SPRR2G: variants seen among roughly 807,000 people sequenced by gnomAD.
The protein encoded by SPRR2G is small proline-rich protein 2G.
SPRR2G carries 1 observed loss-of-function variant against 0.7 expected under a neutral mutation model. The ratio of observed to expected loss-of-function variants is 1.49; its 90% confidence interval spans 0.53 to 7.06. The LOEUF is 7.06. Among genes scored for constraint, SPRR2G ranks in the 30% most tolerant of loss-of-function variants. The pLI, the probability that SPRR2G is intolerant of heterozygous loss-of-function variation, is 0.14. For synonymous variants in SPRR2G, 38 were observed against 33.9 expected (o/e 1.12, Z -0.42); for missense variants, 96 against 88.5 (o/e 1.09, Z -0.34).
At chr1:153,174,545 G>A in the SPRR2G span, 2 of 152,556 alleles carry the variant, frequency 1.3e-5, no homozygotes, top group South Asian at 2.1e-4. Context: ...CCAGCAAAAT[G>A]TCTTCTGCAA....
the SPRR2G span, among the ~76,000 whole-genome samples, chr1:153,182,902 T>C: frequency 1.3e-5 from 2 of 152,144 alleles, no homozygotes; most frequent in Non-Finnish European, 2.9e-5. Flanking sequence ...TGTATACCAG[T>C]AATGGGATTG....
chr1:153,151,216 C>T (rs930315997), upstream of SPRR2G, among the ~76,000 whole-genome samples: 1 of 152,200 alleles, frequency 6.6e-6, no homozygotes, highest in Non-Finnish European at 1.5e-5. Flanking sequence ...AAAACTACTC[C>T]CATTCAGTTG....
chr1:153,170,905 T>C, the SPRR2G span, among the ~76,000 whole-genome samples: 2 of 152,028 alleles, frequency 1.3e-5, no homozygotes, highest in African/African-American at 4.8e-5. Flanking sequence ...CTCAGAGAGG[T>C]GGCCAACAAG....
the SPRR2G span, among the ~76,000 whole-genome samples, chr1:153,185,297 T>C: frequency 3.0e-3 from 457 of 152,072 alleles, 2 homozygotes; most frequent in African/African-American, 9.7e-3. Context: ...CTCCTCTTTG[T>C]ACCTCTGGTA....
chr1:153,181,420 T>C, the SPRR2G span, among the ~76,000 whole-genome samples: 35 of 152,252 alleles, frequency 2.3e-4, no homozygotes, highest in African/African-American at 8.2e-4. Flanking sequence ...ACATTTCAGT[T>C]CCTCACTTCC....
chr1:153,171,247 G>A, the SPRR2G span, among the ~76,000 whole-genome samples: 23 of 152,042 alleles, frequency 1.5e-4, no homozygotes, highest in Admixed American at 5.2e-4. Flanking sequence ...CCCTTTTCCC[G>A]GCCGTCCTGG....
chr1:153,173,069 C>G, the SPRR2G span, among the ~76,000 whole-genome samples: 61 of 152,220 alleles, frequency 4.0e-4, no homozygotes, highest in African/African-American at 1.4e-3. Flanking sequence ...GACAGCACAG[C>G]TGGTTAATGT....
At chr1:153,165,406 T>C in the SPRR2G span, among the ~76,000 whole-genome samples, 24 of 152,316 alleles carry the variant, frequency 1.6e-4, no homozygotes, top group African/African-American at 5.8e-4. Context: ...TTCCCACAGC[T>C]AGATTATGAC....
the SPRR2G span, among the ~76,000 whole-genome samples, chr1:153,191,919 C>T: frequency 1.3e-5 from 2 of 152,182 alleles, no homozygotes; most frequent in Non-Finnish European, 2.9e-5. Flanking sequence ...AATCATTAAT[C>T]AGAACCAATT....
the SPRR2G span, among the ~76,000 whole-genome samples, chr1:153,198,221 A>G: frequency 6.6e-6 from 1 of 152,238 alleles, no homozygotes; most frequent in Non-Finnish European, 1.5e-5. Context: ...GGAAACTGCA[A>G]GTAGCTTTAC....
chr1:153,190,343 A>C, the SPRR2G span: 3 of 152,404 alleles, frequency 2.0e-5, no homozygotes, highest in African/African-American at 7.2e-5. Flanking sequence ...CCATCCCCTT[A>C]CTTCCAGCAA....
chr1:153,163,890 A>G, the SPRR2G span, among the ~76,000 whole-genome samples: 1 of 152,196 alleles, frequency 6.6e-6, no homozygotes, highest in Non-Finnish European at 1.5e-5. Context: ...CTTCTGGAGG[A>G]CCAAAACTCT....
At chr1:153,184,221 T>A in the SPRR2G span, among the ~76,000 whole-genome samples, 1 of 152,222 alleles carries the variant, frequency 6.6e-6, no homozygotes, top group Non-Finnish European at 1.5e-5. Flanking sequence ...TGGTTCCACA[T>A]GAAATTTAAA....
the SPRR2G span, among the ~76,000 whole-genome samples, chr1:153,201,559 G>C: frequency 6.6e-6 from 1 of 152,204 alleles, no homozygotes; most frequent in Non-Finnish European, 1.5e-5. Flanking sequence ...TGAGGAGAGA[G>C]AGCTGATGAA....
the SPRR2G span, among the ~76,000 whole-genome samples, chr1:153,181,537 A>G: frequency 6.6e-6 from 1 of 152,046 alleles, no homozygotes; most frequent in Non-Finnish European, 1.5e-5. Flanking sequence ...TGTACCCATT[A>G]ACCAACCTCT....
the SPRR2G span, among the ~76,000 whole-genome samples, chr1:153,203,184 C>A: frequency 6.6e-6 from 1 of 152,060 alleles, no homozygotes; most frequent in Non-Finnish European, 1.5e-5. Flanking sequence ...CTGCTCCCAG[C>A]AACAATGAGC....
At chr1:153,154,117 C>T (rs1044722487), upstream of SPRR2G, among the ~76,000 whole-genome samples, 2 of 150,582 alleles carry the variant, frequency 1.3e-5, no homozygotes, top group African/African-American at 4.9e-5. Context: ...TAGTGTATCA[C>T]ATTTATTGAT....
chr1:153,182,063 C>T, the SPRR2G span, among the ~76,000 whole-genome samples: 1 of 152,096 alleles, frequency 6.6e-6, no homozygotes, highest in African/African-American at 2.4e-5. Context: ...TTCTCTGCAT[C>T]CTCTCAAGCA....
chr1:153,167,757 A>G, the SPRR2G span, among the ~76,000 whole-genome samples: 1 of 152,214 alleles, frequency 6.6e-6, no homozygotes, highest in Admixed American at 6.5e-5. Flanking sequence ...AATAATTTTA[A>G]ATGATAATAA....
Sources: allele counts gnomAD v4.1 joint callset (sites outside exome capture counted in the v4.1 genomes callset), GRCh38; gene constraint gnomAD v4.1.1; transcripts MANE v1.5; gene names NCBI Gene and HGNC (gene_info 2026-07-23, HGNC 2026-07-21).